SYNJ2: variants seen among roughly 807,000 people sequenced by gnomAD.
SYNJ2 encodes the protein synaptojanin 2, also known as polyphosphatidylinositol phosphatase SYNJ2.
SYNJ2 carries 116 observed loss-of-function variants against 141.3 expected under a neutral mutation model. The observed-to-expected ratio is 0.82, with a 90% CI of 0.71 to 0.96. The LOEUF is 0.96. SYNJ2 is among the 40% of genes least tolerant of loss of function. The pLI, the probability that SYNJ2 is intolerant of heterozygous loss-of-function variation, is 0.00. For synonymous variants in SYNJ2, 745 were observed against 777.7 expected (o/e 0.96, Z 0.70); for missense variants, 1,873 against 1,934.8 (o/e 0.97, Z 0.60).
At chr6:158,048,729 G>A (rs1038071444) in intron 5 of SYNJ2, among the ~76,000 whole-genome samples, 1 of 152,218 alleles carries the variant, frequency 6.6e-6, no homozygotes, top group Non-Finnish European at 1.5e-5. Context: ...CAGACTGGGT[G>A]CAGGGAGCTT....
rs780082930 is a variant in SYNJ2 at position 158,033,614 on chromosome 6, C to A, written c.645C>A (p.Gly215=). ...LVSRVSCERT[G]TRFHTRGVND... is the part of the protein sequence containing the mutation. ...CTCGCGTTAGCTGTGAGCGCACAGG[C>A]ACTCGCTTCCACACCCGTGGCGTGA... The change falls in exon 4 of 27, where the codon GGC becomes GGA. Residue 215 remains glycine (G), a synonymous_variant. Coordinates refer to ENST00000355585, the MANE Select transcript of SYNJ2 (RefSeq NM_003898.4). The A allele has an allele frequency of 6.2e-7, 1 of 1,613,660 alleles. No individual in the cohort carries two copies. Among genetic ancestry groups the A allele is most frequent in the Admixed American group, 1.7e-5 (1 of 60,034 alleles).
At chr6:158,017,405 C>CT (rs34667973) in intron 2 of SYNJ2, 115 bp downstream of exon 2, 38,265 of 595,446 alleles carry the variant, frequency 0.064, 8 homozygotes, top group South Asian at 0.084. Context: ...TCTCTCTCTT[C>CT]TTTTTTTTTT....
At chr6:158,085,953 G>A (rs762414102) in intron 22 of SYNJ2, among the ~76,000 whole-genome samples, 3 of 149,080 alleles carry the variant, frequency 2.0e-5, no homozygotes, top group East Asian at 2.0e-4. Flanking sequence ...GGGGGTGGCC[G>A]TCATGCAGGC....
At chr6:157,990,431 C>G (rs1296958185) in intron 1 of SYNJ2, among the ~76,000 whole-genome samples, 1 of 151,974 alleles carries the variant, frequency 6.6e-6, no homozygotes, top group African/African-American at 2.4e-5. Flanking sequence ...CAGGGCCTCA[C>G]CCCCGCACGC....
chr6:158,090,628 T>C (rs2128399628), intron 25 of SYNJ2, among the ~76,000 whole-genome samples: 1 of 140,394 alleles, frequency 7.1e-6, no homozygotes, highest in East Asian at 2.4e-4. Flanking sequence ...CACTGCAACC[T>C]CCGCCTCCCA....
chr6:158,096,037 T>C lies in SYNJ2; in HGVS notation c.4164T>C (p.Ser1388=), dbSNP rs773107297. The change falls in exon 27 of 27, where the codon TCT becomes TCC. Residue 1388 remains serine (S), a synonymous_variant. Transcript: ENST00000355585. ...AAGGGGACTTTCTCAGCACTTCATC[T>C]GCTACAAGCCCCGACAGCGATGGCA... ...FPQGDFLSTS[S]ATSPDSDGTK... is the part of the protein sequence containing the mutation. 1.9e-6 allele frequency: 3 copies of C among 1,614,250 alleles called. No homozygotes were observed. Among genetic ancestry groups the C allele is most frequent in the Non-Finnish European group, 8.5e-7 (1 of 1,180,048 alleles).
At chr6:158,022,577 C>T (rs925328684) in intron 2 of SYNJ2, among the ~76,000 whole-genome samples, 3 of 152,244 alleles carry the variant, frequency 2.0e-5, no homozygotes, top group Admixed American at 2.0e-4. Flanking sequence ...ACTATTGGCG[C>T]ATCCTCCTGG....
At chr6:158,046,237 C>T (rs1410738810) in intron 5 of SYNJ2, among the ~76,000 whole-genome samples, 7 of 151,854 alleles carry the variant, frequency 4.6e-5, no homozygotes, top group East Asian at 1.9e-4. Flanking sequence ...TGAGCCATCG[C>T]GCCCGGCCTC....
intron 22 of SYNJ2, among the ~76,000 whole-genome samples, chr6:158,085,024 C>CTT (rs751916726): frequency 3.5e-4 from 50 of 142,100 alleles, no homozygotes; most frequent in South Asian, 6.9e-4. Flanking sequence ...AATAATACAA[C>CTT]TTTTTTTTTT....
Position 158,070,580 on chromosome 6 carries a change from G to A in SYNJ2, c.1940+907G>A, listed in dbSNP as rs955495755. ...ATTTGAGAAAGGGCTCAGAGCTGAG[G>A]AGAGCCAGGTTTCCCAGGCTCGGTG... On this transcript the variant is annotated intron_variant, in intron 14 of 26. Coordinates refer to ENST00000355585, the MANE Select transcript of SYNJ2 (RefSeq NM_003898.4). This position sits in a 1 kb window ranked among gnomAD's most constrained non-coding sequence, Gnocchi z 4.0. The A allele has an allele frequency of 1.1e-6, 1 of 920,726 alleles. No homozygotes were observed. The highest frequency in any genetic ancestry group is 1.3e-6 in the Non-Finnish European group (1 of 771,104). 57.0% of individuals were successfully genotyped at this position (920,726 alleles called of 1,614,324 possible). A position where few individuals can be genotyped will look rare whatever the true frequency, so the allele number is the denominator to read the frequency against.
chr6:158,022,939 A>G (rs1478841486), intron 2 of SYNJ2, among the ~76,000 whole-genome samples: 2 of 152,198 alleles, frequency 1.3e-5, no homozygotes, highest in Non-Finnish European at 2.9e-5. Context: ...GGCTCAAGCC[A>G]GGACACTTTC....
At chr6:158,080,919 A>G (rs1885543) in intron 18 of SYNJ2, among the ~76,000 whole-genome samples, 190 bp from the exon 19 acceptor site, 81,727 of 152,164 alleles carry the variant, frequency 0.54, 22,387 homozygotes, top group African/African-American at 0.64. Flanking sequence ...CTAGCCTGCA[A>G]ATCCACCTGC....
chr6:158,096,253 G>C lies in SYNJ2; in HGVS notation c.4380G>C (p.Lys1460Asn). The change falls in exon 27 of 27, where the codon AAG becomes AAC. Residue 1460 changes from lysine (K) to asparagine (N), a missense_variant. By Grantham distance (94) the Lys-to-Asn change is moderately conservative. Coordinates refer to ENST00000355585, the MANE Select transcript of SYNJ2 (RefSeq NM_003898.4). ...DPVSAGASAAKAELPPDHEHK... is the reference protein window; with the variant it reads ...DPVSAGASAANAELPPDHEHK... ...TGTCAGCTGGCGCTTCAGCTGCCAA[G>C]GCAGAGCTGCCACCAGATCATGAAC... 1 of 1,614,216 alleles carries C rather than the reference G, an allele frequency of 6.2e-7. No individual in the cohort carries two copies. The highest frequency in any genetic ancestry group is 8.5e-7 in the Non-Finnish European group (1 of 1,180,040).
intron 16 of SYNJ2, 44 bp downstream of exon 16, chr6:158,074,782 T>C (rs1054932170): frequency 6.2e-6 from 10 of 1,602,148 alleles, no homozygotes; most frequent in Non-Finnish European, 8.5e-6. Context: ...TGCTCCAAGA[T>C]GGAATGACAT....
At chr6:158,066,776 C>T (rs2128369220) in intron 12 of SYNJ2, 141 bp downstream of exon 12, 3 of 987,200 alleles carry the variant, frequency 3.0e-6, no homozygotes, top group East Asian at 5.3e-5. Context: ...AGCACCATGG[C>T]CTGACTCTCA....
chr6:158,039,955 C>T (rs538299014), intron 4 of SYNJ2, among the ~76,000 whole-genome samples: 1 of 152,264 alleles, frequency 6.6e-6, no homozygotes, highest in African/African-American at 2.4e-5. Context: ...GGCGGCTGTG[C>T]GGTCATCGTC....
chr6:158,065,429 A>AGGAT (rs891902950), intron 11 of SYNJ2, among the ~76,000 whole-genome samples: 2 of 152,136 alleles, frequency 1.3e-5, no homozygotes, highest in Non-Finnish European at 2.9e-5. Context: ...ACAGAGAAGG[A>AGGAT]GGATGCTGTC....
chr6:158,088,472 T>G (rs756122191), intron 23 of SYNJ2, among the ~76,000 whole-genome samples, 188 bp from the exon 24 acceptor site: 2 of 152,134 alleles, frequency 1.3e-5, no homozygotes, highest in Non-Finnish European at 2.9e-5. Context: ...TAGAATCAAG[T>G]GAGAAACTCC....
rs1424030912 is a variant in SYNJ2, at chr6:158,028,794, T to C, written c.253T>C (p.Cys85Arg). ...GAGCTTCCTGGTGTTGGTGACAGGC[T>C]GCACATCTGTGGGCAGAATTCCAGA... is the stretch of plus-strand genomic sequence containing the variant. The part of the protein sequence containing the change: ...SLSFLVLVTG[C>R]TSVGRIPDAE... The change falls in exon 3 of 27, where the codon TGC becomes CGC. Residue 85 changes from cysteine (C) to arginine (R), a missense_variant. Physicochemically the swap from Cys to Arg is radical, Grantham distance 180 (BLOSUM62 -3). Coordinates refer to ENST00000355585, the MANE Select transcript of SYNJ2 (RefSeq NM_003898.4). 3 of 1,614,060 alleles carry C rather than the reference T, an allele frequency of 1.9e-6. No homozygotes were observed. Among genetic ancestry groups the C allele is most frequent in the Non-Finnish European group, 2.5e-6 (3 of 1,180,022 alleles).
Sources: allele counts gnomAD v4.1 joint callset (sites outside exome capture counted in the v4.1 genomes callset), GRCh38; gene constraint gnomAD v4.1.1; non-coding constraint Gnocchi (gnomAD v3.1); transcripts MANE v1.5; gene names NCBI Gene and HGNC (gene_info 2026-07-23, HGNC 2026-07-21).